Variants in CCDC73 observed in about 807,000 individuals in gnomAD.
CCDC73 encodes coiled-coil domain containing 73.
In CCDC73, 95 loss-of-function variants were observed where a neutral mutation model predicts 116.5. The ratio of observed to expected loss-of-function variants is 0.82; its 90% CI spans 0.69 to 0.97. The LOEUF (loss-of-function observed/expected upper bound fraction) is 0.97. CCDC73 is among the 50% of genes least tolerant of loss of function. The pLI is 0.00. For missense variants in CCDC73, 1,066 were observed against 1,206.8 expected, an observed-to-expected ratio of 0.88 and a Z score of 1.73; for synonymous variants, 398 against 401.3, an observed-to-expected ratio of 0.99 and a Z score of 0.10.
chr11:32,639,794 T>A (rs1406770341), intron 13 of CCDC73, among the ~76,000 whole-genome samples: 1 of 152,198 alleles, frequency 6.6e-6, no homozygotes, highest in Admixed American at 6.5e-5. Flanking sequence ...TTTCTGAACA[T>A]TTTCACTTAT....
chr11:32,789,260 G>T (rs563463719), intron 1 of CCDC73, among the ~76,000 whole-genome samples: 1 of 152,140 alleles, frequency 6.6e-6, no homozygotes, highest in African/African-American at 2.4e-5. Flanking sequence ...AAGGTGAAAG[G>T]GCCACAGTAC....
At chr11:32,776,146 C>G (rs1850530532) in intron 1 of CCDC73, among the ~76,000 whole-genome samples, 1 of 152,032 alleles carries the variant, frequency 6.6e-6, no homozygotes, top group Admixed American at 6.6e-5. Flanking sequence ...CCGGTTTGTT[C>G]TTCCTTCTAA....
chr11:32,677,332 A>C (rs1320867002), intron 7 of CCDC73, among the ~76,000 whole-genome samples: 1 of 152,182 alleles, frequency 6.6e-6, no homozygotes, highest in Non-Finnish European at 1.5e-5. Flanking sequence ...TGGACTAAAC[A>C]TTACAACAGG....
At chr11:32,690,234 A>C (rs1340513792) in intron 6 of CCDC73, among the ~76,000 whole-genome samples, 2 of 152,200 alleles carry the variant, frequency 1.3e-5, no homozygotes, top group Non-Finnish European at 2.9e-5. Context: ...AAGAAAAGAA[A>C]ACACACAAAT....
chr11:32,640,941 A>C (rs1269374202), intron 13 of CCDC73, among the ~76,000 whole-genome samples: 1 of 152,044 alleles, frequency 6.6e-6, no homozygotes, highest in East Asian at 1.9e-4. Flanking sequence ...GTGTGAACCC[A>C]GGAGGCAGAG....
At chr11:32,777,571 T>A (rs1317645243) in intron 1 of CCDC73, among the ~76,000 whole-genome samples, 1 of 152,162 alleles carries the variant, frequency 6.6e-6, no homozygotes, top group Non-Finnish European at 1.5e-5. Flanking sequence ...CCTAACAGGG[T>A]AAATTAATAA....
chr11:32,719,420 C>T (rs756481540), intron 2 of CCDC73, among the ~76,000 whole-genome samples: 7 of 152,162 alleles, frequency 4.6e-5, no homozygotes, highest in Non-Finnish European at 8.8e-5. Flanking sequence ...TCAGTAGCCA[C>T]ACACAACAAA....
intron 14 of CCDC73, among the ~76,000 whole-genome samples, chr11:32,631,414 C>T (rs1055627279): frequency 3.3e-5 from 5 of 152,022 alleles, no homozygotes; most frequent in South Asian, 2.1e-4. Flanking sequence ...AAATTAAATT[C>T]GAAATCATTA....
Position 32,642,081 on chromosome 11 carries a change from G to T in CCDC73, c.941C>A (p.Thr314Asn), listed in dbSNP as rs755184509. The T allele has an allele frequency of 2.0e-6, 3 of 1,525,726 alleles. No homozygotes were observed. In the African/African-American group the frequency reaches 4.2e-5, roughly 22 times the overall value. The allele number at this position is 1,525,726 out of a possible 1,614,324, so 94.5% of individuals were successfully genotyped here. ...TTGCAGCTCATTATCTCTTTCAAGGGTCTGCAATAAAATTAATTATCCAAA... is the reference window on the plus strand; with the variant it reads ...TTGCAGCTCATTATCTCTTTCAAGGTTCTGCAATAAAATTAATTATCCAAA... ...ELKVLKENNQ[T>N]LERDNELQRE... The change falls in exon 13 of 18, where the codon ACC (threonine) becomes AAC (asparagine). Residue 314 changes from threonine to asparagine, a missense_variant and splice_region_variant. Coordinates refer to ENST00000335185, the MANE Select transcript of CCDC73 (RefSeq NM_001008391.4).
intron 1 of CCDC73, among the ~76,000 whole-genome samples, chr11:32,780,063 C>T (rs970052611): frequency 3.3e-5 from 5 of 152,092 alleles, no homozygotes; most frequent in Admixed American, 2.6e-4. Flanking sequence ...CACTTGAGGC[C>T]AGGAGTTCGA....
chr11:32,778,806 A>G (rs1437688047), intron 1 of CCDC73, among the ~76,000 whole-genome samples: 1 of 151,612 alleles, frequency 6.6e-6, no homozygotes, highest in African/African-American at 2.4e-5. Context: ...TCTCAAAAGA[A>G]AAAAAAAATC....
intron 2 of CCDC73, among the ~76,000 whole-genome samples, chr11:32,741,176 T>C (rs1850180518): frequency 6.6e-6 from 1 of 151,942 alleles, no homozygotes. Flanking sequence ...TATAAGTACC[T>C]ATTAGGTTCA....
intron 7 of CCDC73, among the ~76,000 whole-genome samples, chr11:32,678,996 G>A (rs1028700248): frequency 2.0e-5 from 3 of 151,910 alleles, no homozygotes; most frequent in African/African-American, 7.3e-5. Context: ...TCTGATGACA[G>A]TCTTAACTTT....
Position 32,614,757 on chromosome 11 carries a change from A to G in CCDC73, c.1561T>C (p.Cys521Arg), listed in dbSNP as rs747437604. Residue 521 changes from cysteine (C) to arginine (R), a missense_variant, in exon 16 of 18, where the codon TGC (cysteine) becomes CGC (arginine). Coordinates refer to ENST00000335185, the MANE Select transcript of CCDC73 (RefSeq NM_001008391.4). ...GTACATCCATTGTCTTTTTCCAAGC[A>G]TATCTTGTCTTTTATTTCTGTAGTA... is the stretch of plus-strand genomic sequence containing the variant. ...SVTTEIKDKICLEKDNGCTEF... is the reference protein window; with the variant it reads ...SVTTEIKDKIRLEKDNGCTEF... The G allele has an allele frequency of 6.8e-5, 109 of 1,613,072 alleles. No homozygotes were observed. The highest frequency in any genetic ancestry group is 9.1e-5 in the Non-Finnish European group (107 of 1,179,596).
chr11:32,813,055 G>A, the CCDC73 span, among the ~76,000 whole-genome samples: 4 of 151,994 alleles, frequency 2.6e-5, no homozygotes, highest in African/African-American at 9.7e-5. Flanking sequence ...TAATTAGGTT[G>A]TTTGTCTTTT....
chr11:32,662,318 T>C (rs1353263306), intron 9 of CCDC73, among the ~76,000 whole-genome samples: 1 of 152,174 alleles, frequency 6.6e-6, no homozygotes, highest in Non-Finnish European at 1.5e-5. Flanking sequence ...AAAAGTGTTC[T>C]TATTTCTCCA....
At position 32,622,195 on chromosome 11, in the gene CCDC73, A is replaced by G. The variant is rs367865730; in HGVS notation, c.1186-6066T>C. ...CAAAGGAATATGTTATTCTGTTATA[A>G]AGATACATGCACACATACGTTTATT... On this transcript the variant is annotated intron_variant, in intron 14 of 17. Transcript: ENST00000335185. 5.9e-5 allele frequency among the ~76,000 whole-genome samples: 9 copies of G among 152,314 alleles called. No homozygotes were observed. The East Asian group carries it at 1.5e-3, about 26-fold the overall frequency.
At chr11:32,803,804 G>A in the CCDC73 span, among the ~76,000 whole-genome samples, 1 of 150,566 alleles carries the variant, frequency 6.6e-6, no homozygotes, top group East Asian at 1.9e-4. Context: ...CTGGTGTTTT[G>A]TTTGTTTGTT....
intron 9 of CCDC73, among the ~76,000 whole-genome samples, chr11:32,672,601 A>G (rs917352494): frequency 1.3e-5 from 2 of 152,208 alleles, no homozygotes; most frequent in Admixed American, 1.3e-4. Flanking sequence ...CTGATTTAAT[A>G]GTTATTTATA....
Sources: allele counts gnomAD v4.1 joint callset (sites outside exome capture counted in the v4.1 genomes callset), GRCh38; gene constraint gnomAD v4.1.1; transcripts MANE v1.5; gene names NCBI Gene and HGNC (gene_info 2026-07-23, HGNC 2026-07-21).